Variants in CLINT1 observed in about 807,000 individuals in gnomAD.
The protein encoded by CLINT1 is clathrin interacting protein localized in the trans-Golgi region.
CLINT1 carries 15 observed loss-of-function variants against 70.4 expected under a neutral mutation model. That is an observed-to-expected ratio of 0.21 (90% CI 0.14 to 0.33). CLINT1 has a LOEUF of 0.33. Among genes scored for constraint, CLINT1 ranks in the 10% least tolerant of loss-of-function variants. The pLI, the probability that CLINT1 is intolerant of heterozygous loss-of-function variation, is 1.00. For synonymous variants in CLINT1, 227 were observed against 254.7 expected (o/e 0.89, Z 1.04); for missense variants, 615 against 778.1 (o/e 0.79, Z 2.49).
chr5:157,829,508 G>A (rs923042956), intron 1 of CLINT1, among the ~76,000 whole-genome samples: 13 of 151,962 alleles, frequency 8.6e-5, no homozygotes, highest in African/African-American at 3.1e-4. Context: ...GGTGCATTGT[G>A]AGTCTCCAAG....
At chr5:157,794,452 T>C (rs1278080614) in intron 9 of CLINT1, among the ~76,000 whole-genome samples, 1 of 152,222 alleles carries the variant, frequency 6.6e-6, no homozygotes, top group Admixed American at 6.5e-5. Flanking sequence ...AGTTCAGTTA[T>C]TTTTCACATA....
intron 9 of CLINT1, among the ~76,000 whole-genome samples, chr5:157,792,407 G>A (rs1761945972): frequency 2.0e-5 from 3 of 152,148 alleles, no homozygotes; most frequent in African/African-American, 7.2e-5. Context: ...AATTAGCTGG[G>A]TGTTGTGACA....
At chr5:157,845,436 C>T (rs550155408) in intron 1 of CLINT1, among the ~76,000 whole-genome samples, 1 of 152,114 alleles carries the variant, frequency 6.6e-6, no homozygotes, top group Non-Finnish European at 1.5e-5. Flanking sequence ...GAGGTATATA[C>T]TACTAATTCA....
At chr5:157,832,381 T>C (rs566230066) in intron 1 of CLINT1, among the ~76,000 whole-genome samples, 135 of 152,312 alleles carry the variant, frequency 8.9e-4, no homozygotes, top group African/African-American at 2.9e-3. Flanking sequence ...CTTTTTGTCC[T>C]GAAAAATGAT....
intron 6 of CLINT1, 140 bp from the exon 7 acceptor site, chr5:157,806,252 T>A: frequency 2.5e-6 from 2 of 802,206 alleles, no homozygotes; most frequent in South Asian, 3.7e-5. Context: ...ATCAACAGAA[T>A]GTTATCTAAG....
At chr5:157,856,657 C>A (rs1753770460) in intron 1 of CLINT1, among the ~76,000 whole-genome samples, 1 of 152,100 alleles carries the variant, frequency 6.6e-6, no homozygotes, top group African/African-American at 2.4e-5. Context: ...TCTCTTCTTG[C>A]CAGTGAAAAG....
chr5:157,803,511 A>T lies in CLINT1; in HGVS notation c.1012+139T>A, dbSNP rs1762291107. 5.8e-6 allele frequency: 3 copies of T among 518,850 alleles called. No homozygotes were observed. The East Asian group carries it at 9.7e-5, about 17-fold the overall frequency. 32.1% of individuals were successfully genotyped at this position (518,850 alleles called of 1,614,324 possible). A position where few individuals can be genotyped will look rare whatever the true frequency, so the allele number is the denominator to read the frequency against. ...AGCAAAAATAACACAATGATTCCAA[A>T]TAATGCTCAAGACTCACTAATTTCA... is the stretch of plus-strand genomic sequence containing the variant. On this transcript the variant is annotated intron_variant, in intron 8 of 11. Coordinates refer to ENST00000411809, the MANE Select transcript of CLINT1 (RefSeq NM_014666.4).
intron 1 of CLINT1, among the ~76,000 whole-genome samples, chr5:157,824,403 T>C (rs760021567): frequency 2.0e-4 from 30 of 152,196 alleles, no homozygotes; most frequent in Non-Finnish European, 3.8e-4. Context: ...ATTACTTTCA[T>C]TGTTAACGAA....
At chr5:157,817,599 T>C in intron 1 of CLINT1, 52 bp from the exon 2 acceptor site, 2 of 1,193,710 alleles carry the variant, frequency 1.7e-6, no homozygotes. Context: ...GCATCAAAAC[T>C]GAGAAACACA....
intron 1 of CLINT1, 45 bp downstream of exon 1, chr5:157,858,885 C>G (rs770017276): frequency 1.4e-6 from 1 of 727,426 alleles, no homozygotes; most frequent in Non-Finnish European, 2.2e-6. Context: ...CCCCCTCCCC[C>G]CTCCCCCACG....
At chr5:157,807,286 G>A (rs1040136135) in intron 6 of CLINT1, among the ~76,000 whole-genome samples, 3 of 152,116 alleles carry the variant, frequency 2.0e-5, no homozygotes, top group Middle Eastern at 3.4e-3. Flanking sequence ...GTTCTGATAC[G>A]CATTCAAAAG....
chr5:157,816,328 C>T (rs1031534102), intron 3 of CLINT1, among the ~76,000 whole-genome samples: 1 of 152,178 alleles, frequency 6.6e-6, no homozygotes, highest in Non-Finnish European at 1.5e-5. Flanking sequence ...ATATTTTGAA[C>T]ATTTTGGATA....
chr5:157,830,369 TTTTTAAG>T (rs375480917), intron 1 of CLINT1, among the ~76,000 whole-genome samples: 143 of 152,342 alleles, frequency 9.4e-4, no homozygotes, highest in African/African-American at 3.2e-3. Context: ...TAGTCTTTTA[TTTTTAAG>T]TTTTAATATT....
Position 157,816,816 on chromosome 5 carries a change from TA to T in CLINT1, c.160del (p.Tyr54MetfsTer8). The T allele has an allele frequency of 6.2e-7, 1 of 1,606,526 alleles. No individual in the cohort carries two copies. Among genetic ancestry groups the T allele is most frequent in the Non-Finnish European group, 8.5e-7 (1 of 1,177,398 alleles). On this transcript the variant is annotated frameshift_variant, in exon 3 of 12. Transcript: ENST00000411809. LOFTEE classifies it high-confidence loss of function. ...GTTCATAAGTTCTGGAAATTGTTCATACATAAATGTAGCCCTGAAAAAAGAA... is the reference window on the plus strand; with the variant it reads ...GTTCATAAGTTCTGGAAATTGTTCATCATAAATGTAGCCCTGAAAAAAGAA... ...MGEIAKATFM[Y>X]EQFPELMNML... is the part of the protein sequence containing the mutation.
intron 8 of CLINT1, among the ~76,000 whole-genome samples, chr5:157,798,579 C>CA (rs536112166): frequency 6.4e-4 from 97 of 150,714 alleles, no homozygotes; most frequent in African/African-American, 2.3e-3. Flanking sequence ...TGGCAAAGTG[C>CA]AAAAAAAATG....
intron 4 of CLINT1, 59 bp from the exon 5 acceptor site, chr5:157,813,286 C>CT (rs779376428): frequency 1.2e-5 from 17 of 1,389,866 alleles, no homozygotes; most frequent in Non-Finnish European, 1.6e-5. Context: ...GTATCAAGCT[C>CT]TTTAAGATTA....
At chr5:157,805,420 T>C (rs781188371) in intron 7 of CLINT1, among the ~76,000 whole-genome samples, 19 of 152,236 alleles carry the variant, frequency 1.2e-4, no homozygotes, top group Non-Finnish European at 1.8e-4. Flanking sequence ...CAGTAATGAC[T>C]GTGAGGCAAA....
At chr5:157,793,779 G>A (rs1431399682) in intron 9 of CLINT1, among the ~76,000 whole-genome samples, 1 of 152,086 alleles carries the variant, frequency 6.6e-6, no homozygotes, top group Non-Finnish European at 1.5e-5. Flanking sequence ...ACAAAAATAA[G>A]TAGTCAAAAT....
intron 1 of CLINT1, among the ~76,000 whole-genome samples, chr5:157,824,476 G>A (rs1444017646): frequency 6.6e-6 from 1 of 151,932 alleles, no homozygotes; most frequent in Non-Finnish European, 1.5e-5. Context: ...CACATGGTGG[G>A]ATATTCACCA....
Sources: gnomAD v4.1 joint callset for allele counts (sites outside exome capture counted in the v4.1 genomes callset) on GRCh38, gnomAD v4.1.1 for gene constraint, MANE v1.5 for transcripts, NCBI Gene and HGNC (gene_info 2026-07-23, HGNC 2026-07-21) for gene names.